The following TRMU variants were observed in gnomAD, a reference collection of about 807,000 sequenced individuals.
TRMU encodes the protein mitochondrial tRNA-specific 2-thiouridylase 1.
In TRMU, 49 loss-of-function variants were observed where a neutral mutation model predicts 46.9. The observed-to-expected ratio is 1.05, with a 90% CI of 0.83 to 1.33. The LOEUF (loss-of-function observed/expected upper bound fraction) is 1.33. Among genes scored for constraint, TRMU ranks in the 40% most tolerant of loss-of-function variants. The probability of loss-of-function intolerance (pLI) is 0.00; values close to 1 mark genes in which losing one functional copy is unlikely to be tolerated. For synonymous variants in TRMU, 241 were observed against 200.9 expected (o/e 1.20, Z -1.69); for missense variants, 572 against 532.4 (o/e 1.07, Z -0.73).
At position 46,339,850 on chromosome 22, in the gene TRMU, T is replaced by C. The variant is rs2078075087; in HGVS notation, c.248+1906T>C. Among the ~76,000 whole-genome samples, 1 of 151,932 alleles carries C rather than the reference T, an allele frequency of 6.6e-6. No homozygotes were observed. The highest frequency in any genetic ancestry group is 6.6e-5 in the Admixed American group (1 of 15,252). ...GAATTTTCCTGGGGAAAGTTACCTG[T>C]AGAATGCATGATAAATGCATTAAAA... is the stretch of plus-strand genomic sequence containing the variant. On this transcript the variant is annotated intron_variant, in intron 2 of 10. Coordinates refer to ENST00000645190, the MANE Select transcript of TRMU (RefSeq NM_018006.5). The surrounding 1 kb of genome is among the most constrained non-coding windows in gnomAD (Gnocchi z 4.8).
chr22:46,337,783 C>T lies in TRMU; in HGVS notation c.87C>T (p.Tyr29=), dbSNP rs769668643. The change falls in exon 2 of 11, where the codon TAC becomes TAT. Residue 29 remains tyrosine, a synonymous_variant. Coordinates refer to ENST00000645190, the MANE Select transcript of TRMU (RefSeq NM_018006.5). ...VAALLLRRRG[Y]QVTGVFMKNW... ...AATTGACCTTCCCGCCCGCAGGTTA[C>T]CAGGTGACAGGGGTGTTTATGAAGA... 1.9e-6 allele frequency: 3 copies of T among 1,614,190 alleles called. No individual in the cohort carries two copies. The South Asian group carries it at 3.3e-5, about 18-fold the overall frequency.
Position 46,348,582 on chromosome 22 carries a change from G to A in TRMU, c.479-1709G>A, listed in dbSNP as rs1024848379. On this transcript the variant is annotated intron_variant, in intron 4 of 10. Coordinates refer to ENST00000645190, the MANE Select transcript of TRMU (RefSeq NM_018006.5). This position sits in a 1 kb window ranked among gnomAD's most constrained non-coding sequence, Gnocchi z 4.8. ...TTCCCCCACACAGCGTGCTACCACC[G>A]GCCTGGCAGAGCCAGCACGGCAGCC... Among the ~76,000 whole-genome samples the A allele has an allele frequency of 5.3e-5, 8 of 152,194 alleles. No individual in the cohort carries two copies. The highest frequency in any genetic ancestry group is 7.3e-5 in the Non-Finnish European group (5 of 68,032).
intron 10 of TRMU, 200 bp downstream of exon 10, chr22:46,356,272 G>A: frequency 3.3e-6 from 2 of 607,914 alleles, no homozygotes; most frequent in East Asian, 5.7e-5. Flanking sequence ...CCACTCTGGT[G>A]TCACCAACCA....
chr22:46,344,393 G>A (rs750673006), intron 3 of TRMU, among the ~76,000 whole-genome samples: 1 of 152,200 alleles, frequency 6.6e-6, no homozygotes, highest in Admixed American at 6.6e-5. Context: ...GATAGAATGT[G>A]AATTGATTTT....
chr22:46,356,928 C>G lies in TRMU; in HGVS notation c.1188C>G (p.Gly396=), dbSNP rs142346622. ...CGTCTGCCTACACGCTCCAGAAGGGCCAGCGCAGAGCTGGGATGGCCACTG... is the reference window on the plus strand; with the variant it reads ...CGTCTGCCTACACGCTCCAGAAGGGGCAGCGCAGAGCTGGGATGGCCACTG... ...LGPSAYTLQK[G]QRRAGMATES... The change falls in exon 11 of 11, where the codon GGC becomes GGG. Residue 396 remains glycine, a synonymous_variant. Coordinates refer to ENST00000645190, the MANE Select transcript of TRMU (RefSeq NM_018006.5). 106 of 1,613,152 alleles carry G rather than the reference C, an allele frequency of 6.6e-5. 1 individual carries two copies. The highest frequency in any genetic ancestry group is 1.2e-4 in the Admixed American group (7 of 60,014).
At chr22:46,337,197 G>A (rs984901770) in intron 1 of TRMU, among the ~76,000 whole-genome samples, 1 of 152,122 alleles carries the variant, frequency 6.6e-6, no homozygotes, top group African/African-American at 2.4e-5. Flanking sequence ...CTACCTAAAC[G>A]AACCAGCTTT....
rs2078054653 is a variant in TRMU at position 46,339,101 on chromosome 22, G to A, written c.248+1157G>A. ...ATGAAAGAATTGAGATTAGGTTCTA[G>A]TATGTATGCCTGGTATATTAGTAAG... is the stretch of plus-strand genomic sequence containing the variant. On this transcript the variant is annotated intron_variant, in intron 2 of 10. Coordinates refer to ENST00000645190, the MANE Select transcript of TRMU (RefSeq NM_018006.5). The surrounding 1 kb of genome is among the most constrained non-coding windows in gnomAD (Gnocchi z 4.8). 6.6e-6 allele frequency among the ~76,000 whole-genome samples: 1 copy of A among 152,126 alleles called. No individual in the cohort carries two copies. The highest frequency in any genetic ancestry group is 1.5e-5 in the Non-Finnish European group (1 of 68,022).
intron 4 of TRMU, among the ~76,000 whole-genome samples, chr22:46,346,944 T>C (rs1263322641): frequency 1.3e-5 from 2 of 152,278 alleles, no homozygotes; most frequent in Non-Finnish European, 2.9e-5. Context: ...AGGCAGACTT[T>C]CAACGTGCTG....
rs568943101 is a variant in TRMU at position 46,351,427 on chromosome 22, G to C, written c.652-694G>C. ...GTGGGATGAGCCTCACCTCTTCAGGGGCCAGTGCGGTGGGAGCTGTTGCTC... is the reference window on the plus strand; with the variant it reads ...GTGGGATGAGCCTCACCTCTTCAGGCGCCAGTGCGGTGGGAGCTGTTGCTC... On this transcript the variant is annotated intron_variant, in intron 5 of 10. Transcript: ENST00000645190. The surrounding 1 kb of genome is among the most constrained non-coding windows in gnomAD (Gnocchi z 6.4). Among the ~76,000 whole-genome samples the C allele has an allele frequency of 6.6e-6, 1 of 152,288 alleles. No individual in the cohort carries two copies. Among genetic ancestry groups the C allele is most frequent in the Admixed American group, 6.5e-5 (1 of 15,302 alleles).
At position 46,338,025 on chromosome 22, in the gene TRMU, C is replaced by T. The variant is rs535075437; in HGVS notation, c.248+81C>T. 1.2e-4 allele frequency: 191 copies of T among 1,585,542 alleles called. No individual in the cohort carries two copies. Among genetic ancestry groups the T allele is most frequent in the Middle Eastern group, 6.9e-4 (4 of 5,792 alleles). On this transcript the variant is annotated intron_variant, in intron 2 of 10. Coordinates refer to ENST00000645190, the MANE Select transcript of TRMU (RefSeq NM_018006.5). This position sits in a 1 kb window ranked among gnomAD's most constrained non-coding sequence, Gnocchi z 4.5. Reference sequence around the variant, plus strand: ...GGAAGGATCCGGTAACCAGCCAGACCGACGCCTGTGCTGCAGCCCAGCGCT... The same window carrying T: ...GGAAGGATCCGGTAACCAGCCAGACTGACGCCTGTGCTGCAGCCCAGCGCT...
chr22:46,355,947 G>A (rs1230699126), intron 9 of TRMU, 43 bp from the exon 10 acceptor site: 1 of 1,608,448 alleles, frequency 6.2e-7, no homozygotes, highest in Non-Finnish European at 8.5e-7. Context: ...GGTCGACCAG[G>A]AAAGGCCTGT....
chr22:46,353,567 C>G (rs1036964671), intron 7 of TRMU, 200 bp from the exon 8 acceptor site: 4 of 533,738 alleles, frequency 7.5e-6, no homozygotes, highest in Non-Finnish European at 1.4e-5. Context: ...ATGTCCAGCC[C>G]AGGCCTGGAC....
At chr22:46,354,082 C>T (rs568311385) in intron 8 of TRMU, 2 of 523,114 alleles carry the variant, frequency 3.8e-6, no homozygotes, top group Admixed American at 6.1e-5. Context: ...ATGCTGGTCT[C>T]TTAATCATCC....
Position 46,357,000 on chromosome 22 carries a change from G to A in TRMU, c.1260G>A (p.Leu420=). The A allele has an allele frequency of 1.2e-6, 2 of 1,613,504 alleles. No homozygotes were observed. Among genetic ancestry groups the A allele is most frequent in the Non-Finnish European group, 1.7e-6 (2 of 1,180,014 alleles). Residue 420 remains leucine (L), a synonymous_variant, in exon 11 of 11, where the codon TTG becomes TTA. Transcript: ENST00000645190. ...SPEDGPGLSP[L]L ...AAGATGGTCCAGGCCTGAGTCCCTT[G>A]CTCTGACAGAGATGGATCTGCTAGA...
chr22:46,337,322 A>C (rs2078004527), intron 1 of TRMU, among the ~76,000 whole-genome samples: 1 of 152,248 alleles, frequency 6.6e-6, no homozygotes, highest in South Asian at 2.1e-4. Context: ...AATAGGTCAT[A>C]AACTAGGTGG....
intron 7 of TRMU, chr22:46,352,790 T>TA (rs2078473291): frequency 6.8e-6 from 2 of 294,890 alleles, no homozygotes; most frequent in Non-Finnish European, 1.3e-5. Flanking sequence ...TGCAGACCCT[T>TA]ACTGCGGTGA....
chr22:46,352,522 C>A, intron 7 of TRMU, 192 bp downstream of exon 7: 1 of 662,478 alleles, frequency 1.5e-6, no homozygotes. Flanking sequence ...GGTGCACTTC[C>A]AGATGTGGCC....
At position 46,348,517 on chromosome 22, in the gene TRMU, A is replaced by C. The variant is rs1010390946; in HGVS notation, c.479-1774A>C. ...TGGGCTCAGGGTCGGTCAGCACCTG[A>C]GACCAGCGCTCCTAGGCCTGGCCTG... On this transcript the variant is annotated intron_variant, in intron 4 of 10. Transcript: ENST00000645190. This position sits in a 1 kb window ranked among gnomAD's most constrained non-coding sequence, Gnocchi z 4.8. 1.3e-5 allele frequency among the ~76,000 whole-genome samples: 2 copies of C among 152,190 alleles called. No homozygotes were observed. Among genetic ancestry groups the C allele is most frequent in the Non-Finnish European group, 2.9e-5 (2 of 68,028 alleles).
In TRMU at chr22:46,357,155, G is replaced by C. The variant is rs542744986; in HGVS notation, c.*149G>C. ...GGGTCCGAAAAGCCTGCAGGGGCCC[G>C]GCGAGCCCCAGGAAGAGCCTCAGCT... On this transcript the variant is annotated 3_prime_UTR_variant, in exon 11 of 11. Transcript: ENST00000645190. 32 of 1,075,034 alleles carry C rather than the reference G, an allele frequency of 3.0e-5. No individual in the cohort carries two copies. Among genetic ancestry groups the C allele is most frequent in the Non-Finnish European group, 4.2e-5 (31 of 732,828 alleles). 66.6% of individuals were successfully genotyped at this position (1,075,034 alleles called of 1,614,324 possible).
Sources: gnomAD v4.1 joint callset for allele counts (sites outside exome capture counted in the v4.1 genomes callset) on GRCh38, gnomAD v4.1.1 for gene constraint, Gnocchi (gnomAD v3.1) non-coding constraint, MANE v1.5 for transcripts, NCBI Gene and HGNC (gene_info 2026-07-23, HGNC 2026-07-21) for gene names.